Variants in RSU1 observed in about 807,000 individuals in gnomAD.
RSU1 encodes Ras suppressor protein 1.
RSU1 carries 26 observed loss-of-function variants against 31.1 expected under a neutral mutation model. The ratio of observed to expected loss-of-function variants is 0.84; its 90% CI spans 0.61 to 1.16. The LOEUF (loss-of-function observed/expected upper bound fraction) is 1.16. Among genes scored for constraint, RSU1 ranks in the 50% most tolerant of loss-of-function variants. The pLI, the probability that RSU1 is intolerant of heterozygous loss-of-function variation, is 0.00. For missense variants in RSU1, 320 were observed against 339.1 expected, an observed-to-expected ratio of 0.94 and a Z score of 0.44; for synonymous variants, 164 against 136.3, an observed-to-expected ratio of 1.20 and a Z score of -1.41.
intron 8 of RSU1, among the ~76,000 whole-genome samples, chr10:16,688,277 A>G (rs1835475279): frequency 6.6e-6 from 1 of 152,158 alleles, no homozygotes; most frequent in East Asian, 1.9e-4. Context: ...ATCACATATT[A>G]TGGATAAAAT....
intron 7 of RSU1, among the ~76,000 whole-genome samples, chr10:16,719,232 C>A (rs1836206461): frequency 6.6e-6 from 1 of 152,106 alleles, no homozygotes; most frequent in African/African-American, 2.4e-5. Flanking sequence ...CACTTCAGCC[C>A]AGGAATTTGA....
intron 8 of RSU1, among the ~76,000 whole-genome samples, chr10:16,677,103 G>A (rs1252063533): frequency 6.6e-6 from 1 of 152,128 alleles, no homozygotes; most frequent in East Asian, 1.9e-4. Context: ...TTCATACACT[G>A]GCTTCCCTTT....
chr10:16,661,899 A>C (rs1434542374), intron 8 of RSU1, among the ~76,000 whole-genome samples: 1 of 151,926 alleles, frequency 6.6e-6, no homozygotes, highest in Non-Finnish European at 1.5e-5. Flanking sequence ...ATTTTCCTCT[A>C]CTCTTACAAG....
At chr10:16,809,971 A>T (rs1410125078) in intron 2 of RSU1, among the ~76,000 whole-genome samples, 1 of 141,248 alleles carries the variant, frequency 7.1e-6, no homozygotes, top group African/African-American at 2.5e-5. Flanking sequence ...CTGTAATCCC[A>T]GCAATTTGGG....
chr10:16,657,996 A>T (rs990281340), intron 8 of RSU1, among the ~76,000 whole-genome samples: 2 of 151,982 alleles, frequency 1.3e-5, no homozygotes, highest in Non-Finnish European at 2.9e-5. Context: ...TCTCAAAAAA[A>T]AATAATAAAA....
At chr10:16,681,561 TA>T (rs1323110490) in intron 8 of RSU1, among the ~76,000 whole-genome samples, 1 of 152,108 alleles carries the variant, frequency 6.6e-6, no homozygotes, top group Non-Finnish European at 1.5e-5. Flanking sequence ...TAAATTGAAT[TA>T]AAAAAATAAT....
chr10:16,602,508 C>T (rs910685871), intron 8 of RSU1, among the ~76,000 whole-genome samples: 1 of 152,194 alleles, frequency 6.6e-6, no homozygotes, highest in African/African-American at 2.4e-5. Context: ...GTTTTGTTTT[C>T]TTAAGAAGTC....
intron 7 of RSU1, among the ~76,000 whole-genome samples, chr10:16,702,423 A>G (rs1218938637): frequency 1.3e-5 from 2 of 152,250 alleles, no homozygotes; most frequent in Non-Finnish European, 2.9e-5. Context: ...ACGCCAGCCC[A>G]ATAGAGCAGT....
intron 8 of RSU1, among the ~76,000 whole-genome samples, chr10:16,650,959 T>C (rs1290908713): frequency 4.6e-5 from 7 of 152,306 alleles, no homozygotes; most frequent in Middle Eastern, 6.8e-3. Flanking sequence ...GTTTTTAATA[T>C]TTATAACGGA....
At chr10:16,691,030 A>C (rs961131574) in intron 8 of RSU1, among the ~76,000 whole-genome samples, 1 of 152,206 alleles carries the variant, frequency 6.6e-6, no homozygotes, top group Non-Finnish European at 1.5e-5. Flanking sequence ...ATTAGGAACT[A>C]TAATAAGTTT....
chr10:16,650,984 G>A (rs757825409), intron 8 of RSU1, among the ~76,000 whole-genome samples: 17 of 151,948 alleles, frequency 1.1e-4, no homozygotes, highest in Non-Finnish European at 2.4e-4. Context: ...CACAATTTAC[G>A]AACAAAAATG....
In RSU1 at chr10:16,737,943, T is replaced by C. The variant is rs566494710; in HGVS notation, c.598+14596A>G. ...ACTAGAATTATATAGACTATGAATT[T>C]TGATCAGGACATAATTTAAATTAGA... is the stretch of plus-strand genomic sequence containing the variant. On this transcript the variant is annotated intron_variant, in intron 7 of 8. Coordinates refer to ENST00000345264, the MANE Select transcript of RSU1 (RefSeq NM_012425.4). Among the ~76,000 whole-genome samples the C allele has an allele frequency of 3.9e-4, 60 of 152,358 alleles. 1 individual carries two copies. The highest frequency in any genetic ancestry group is 1.3e-3 in the African/African-American group (53 of 41,586).
Position 16,712,807 on chromosome 10 carries a change from CA to C in RSU1, c.599-17653del, listed in dbSNP as rs542693893. ...CCTCTACTAGTGAGTTTTACACCTT[CA>C]CATGTTTTCATGATAATTATTGTCC... On this transcript the variant is annotated intron_variant, in intron 7 of 8. Transcript: ENST00000345264. Among the ~76,000 whole-genome samples the C allele has an allele frequency of 5.9e-5, 9 of 152,238 alleles. No homozygotes were observed. In the East Asian group the frequency reaches 1.7e-3, roughly 29 times the overall value.
At chr10:16,669,732 T>C (rs891862984) in intron 8 of RSU1, among the ~76,000 whole-genome samples, 1 of 152,202 alleles carries the variant, frequency 6.6e-6, no homozygotes, top group Non-Finnish European at 1.5e-5. Context: ...TCCAGCTCCA[T>C]CCGTGTCCCT....
intron 7 of RSU1, among the ~76,000 whole-genome samples, chr10:16,747,944 G>A (rs1295596279): frequency 6.6e-6 from 1 of 152,362 alleles, no homozygotes; most frequent in East Asian, 1.9e-4. Context: ...TGAGGCAGGA[G>A]GATGGCTTGA....
At chr10:16,792,991 G>C (rs192223918) in intron 2 of RSU1, among the ~76,000 whole-genome samples, 184 of 152,298 alleles carry the variant, frequency 1.2e-3, no homozygotes, top group African/African-American at 4.3e-3. Flanking sequence ...CTTGGTAGTA[G>C]GACACAGATT....
chr10:16,650,771 T>G (rs996839359), intron 8 of RSU1, among the ~76,000 whole-genome samples: 7 of 151,742 alleles, frequency 4.6e-5, no homozygotes, highest in Admixed American at 4.6e-4. Flanking sequence ...TTAGCAGAGA[T>G]GAGGTTTCAC....
intron 8 of RSU1, among the ~76,000 whole-genome samples, chr10:16,614,035 A>G (rs184371379): frequency 8.9e-4 from 136 of 152,312 alleles, no homozygotes; most frequent in African/African-American, 2.9e-3. Flanking sequence ...CAGAAAAATA[A>G]AAGTTCAAAA....
At chr10:16,680,470 A>G (rs545274138) in intron 8 of RSU1, among the ~76,000 whole-genome samples, 19 of 152,322 alleles carry the variant, frequency 1.2e-4, no homozygotes, top group Admixed American at 4.6e-4. Flanking sequence ...AAGAAGTTTA[A>G]TTTGCTCATG....
Sources: gnomAD v4.1 joint callset for allele counts (sites outside exome capture counted in the v4.1 genomes callset) on GRCh38, gnomAD v4.1.1 for gene constraint, MANE v1.5 for transcripts, NCBI Gene and HGNC (gene_info 2026-07-23, HGNC 2026-07-21) for gene names.